Variants in ABCA10 observed in about 807,000 individuals in gnomAD.
The protein encoded by ABCA10 is ATP binding cassette subfamily A member 10.
In ABCA10, 169 loss-of-function variants were observed where a neutral mutation model predicts 187.5. The observed-to-expected ratio is 0.90, with a 90% CI of 0.80 to 1.02. The LOEUF is 1.02. Among genes scored for constraint, ABCA10 ranks in the 50% least tolerant of loss-of-function variants. The pLI is 0.00. For synonymous variants in ABCA10, 574 were observed against 601.8 expected, an observed-to-expected ratio of 0.95 and a Z score of 0.68; for missense variants, 1,727 against 1,812.4, an observed-to-expected ratio of 0.95 and a Z score of 0.86.
At chr17:69,237,674 T>TA (rs1568080132) in intron 1 of ABCA10, among the ~76,000 whole-genome samples, 2 of 152,276 alleles carry the variant, frequency 1.3e-5, no homozygotes, top group East Asian at 3.9e-4. Flanking sequence ...ATGTCCTTCC[T>TA]AAAAGCCTCA....
chr17:69,157,364 A>AGG (rs2074182433), intron 27 of ABCA10, among the ~76,000 whole-genome samples: 1 of 152,144 alleles, frequency 6.6e-6, no homozygotes, highest in African/African-American at 2.4e-5. Flanking sequence ...TCCCCAAGTA[A>AGG]GGGGTAGATA....
rs1008690560 is a variant in ABCA10, at chr17:69,148,185, A to C, written c.*642T>G. 6.6e-6 allele frequency: 1 copy of C among 152,258 alleles called. No individual in the cohort carries two copies. The highest frequency in any genetic ancestry group is 2.4e-5 in the African/African-American group (1 of 41,462). 9.4% of individuals were successfully genotyped at this position (152,258 alleles called of 1,614,324 possible). ...AGGTGAAAAGATACAGAAAATGACT[A>C]TGCCTACTGATACTACCTTTGAAAA... On this transcript the variant is annotated 3_prime_UTR_variant, in exon 39 of 39. Coordinates refer to ENST00000690296, the MANE Select transcript of ABCA10 (RefSeq NM_001377321.1).
At chr17:69,187,543 T>C in intron 19 of ABCA10, 138 bp downstream of exon 19, 1 of 948,452 alleles carries the variant, frequency 1.1e-6, no homozygotes, top group Admixed American at 3.0e-5. Flanking sequence ...GTCAGGCCCT[T>C]TTCCTCAGTA....
intron 7 of ABCA10, 59 bp from the exon 8 acceptor site, chr17:69,216,059 T>C: frequency 6.4e-7 from 1 of 1,568,594 alleles, no homozygotes; most frequent in Non-Finnish European, 8.6e-7. Flanking sequence ...TAAATAGCAA[T>C]ATTCATCGAT....
At chr17:69,230,224 G>A (rs756990374), upstream of ABCA10, among the ~76,000 whole-genome samples, 4 of 151,966 alleles carry the variant, frequency 2.6e-5, no homozygotes, top group Admixed American at 6.6e-5. Flanking sequence ...TGGACTTCTC[G>A]GCTTCCAGAA....
Position 69,148,805 on chromosome 17 carries a change from G to T in ABCA10, c.*22C>A, listed in dbSNP as rs751543519. Reference sequence around the variant, plus strand: ...TAACAATGTAGTAGGACCTAAAATTGAATGTTAGGAGGTTCTTCATTTTAA... The same window carrying T: ...TAACAATGTAGTAGGACCTAAAATTTAATGTTAGGAGGTTCTTCATTTTAA... On this transcript the variant is annotated 3_prime_UTR_variant, in exon 39 of 39. Transcript: ENST00000690296. 1.9e-6 allele frequency: 3 copies of T among 1,579,646 alleles called. No homozygotes were observed. The highest frequency in any genetic ancestry group is 3.4e-5 in the Admixed American group (2 of 59,462).
chr17:69,169,019 T>G (rs77719853), intron 25 of ABCA10, among the ~76,000 whole-genome samples: 10,740 of 152,280 alleles, frequency 0.071, 514 homozygotes, highest in Admixed American at 0.15. Context: ...TATTGAGTAC[T>G]TCATGAACAT....
At position 69,223,002 on chromosome 17, in the gene ABCA10, A is replaced by G. The variant is rs572509541; in HGVS notation, c.35-305T>C. Among the ~76,000 whole-genome samples the G allele has an allele frequency of 6.0e-5, 9 of 150,318 alleles. No homozygotes were observed. In the South Asian group the frequency reaches 1.5e-3, roughly 25 times the overall value. The stretch of plus-strand genomic sequence containing the variant: ...AGCATAGAAACATACTCTATATATG[A>G]CCATGTGCATATTTGCCTTGAAGGA... On this transcript the variant is annotated intron_variant, in intron 3 of 38. Coordinates refer to ENST00000690296, the MANE Select transcript of ABCA10 (RefSeq NM_001377321.1).
In ABCA10 at chr17:69,235,297, C is replaced by T. The variant is rs572962095; in HGVS notation, c.-592-6437G>A. ...AGAGACCAAAGGAGGGATTTATAAC[C>T]GGTGATTACAATCTAACTTCAGGTT... On this transcript the variant is annotated intron_variant, in intron 1 of 39. Transcript: ENST00000269081. 5.3e-5 allele frequency among the ~76,000 whole-genome samples: 8 copies of T among 152,254 alleles called. No individual in the cohort carries two copies. In the East Asian group the frequency reaches 5.8e-4, roughly 11 times the overall value.
intron 36 of ABCA10, chr17:69,150,353 C>T: frequency 4.3e-6 from 1 of 230,830 alleles, no homozygotes; most frequent in Non-Finnish European, 8.5e-6. Context: ...CTTACTTACT[C>T]TCAAAAAGCA....
intron 9 of ABCA10, among the ~76,000 whole-genome samples, chr17:69,213,844 C>G (rs2074679947): frequency 6.6e-6 from 1 of 152,206 alleles, no homozygotes; most frequent in African/African-American, 2.4e-5. Context: ...TAGGAGCTTC[C>G]TTCACTCTGT....
intron 25 of ABCA10, among the ~76,000 whole-genome samples, chr17:69,170,852 A>T (rs1558167): frequency 0.56 from 84,769 of 152,022 alleles, 25,175 homozygotes; most frequent in Non-Finnish European, 0.67. Flanking sequence ...GCTGAGGACA[A>T]GTCCCCATAT....
chr17:69,215,846 C>G lies in ABCA10; in HGVS notation c.827G>C (p.Ser276Thr). 1 of 1,605,154 alleles carries G rather than the reference C, an allele frequency of 6.2e-7. No homozygotes were observed. Among genetic ancestry groups the G allele is most frequent in the Non-Finnish European group, 8.5e-7 (1 of 1,177,492 alleles). Reference sequence around the variant, plus strand: ...CATTCCAGCAGTGAAGGCAAAAGGGCTAAGAAGACTTAATACCCATCCCAA... The same window carrying G: ...CATTCCAGCAGTGAAGGCAAAAGGGGTAAGAAGACTTAATACCCATCCCAA... ...LSLGWVLSLLSPFAFTAGMAQ... is the reference protein window; with the variant it reads ...LSLGWVLSLLTPFAFTAGMAQ... The change falls in exon 8 of 39, where the codon AGC becomes ACC. Residue 276 changes from serine to threonine, a missense_variant. By Grantham distance (58) the Ser-to-Thr change is moderately conservative. Transcript: ENST00000690296.
chr17:69,196,886 G>A (rs777978517), intron 11 of ABCA10, among the ~76,000 whole-genome samples, 178 bp downstream of exon 11: 5 of 152,058 alleles, frequency 3.3e-5, no homozygotes, highest in Non-Finnish European at 5.9e-5. Flanking sequence ...GGCAGCACGC[G>A]CCTGCAATCC....
intron 6 of ABCA10, 69 bp from the exon 7 acceptor site, chr17:69,216,427 T>C: frequency 6.7e-7 from 1 of 1,503,706 alleles, no homozygotes; most frequent in Non-Finnish European, 8.9e-7. Context: ...ATGTGCGAAA[T>C]GGTTAAGAGT....
chr17:69,223,732 C>A, intron 3 of ABCA10: 1 of 405,378 alleles, frequency 2.5e-6, no homozygotes. Context: ...AAAATACTGT[C>A]AAGGCCAAAC....
In ABCA10 at chr17:69,182,762, T is replaced by C. The variant is rs779039943; in HGVS notation, c.2544A>G (p.Ile848Met). ...TTCTAAAGTCATCTATTTCCAAAACTATATCCTGACACTTCAGTGAATGCA... is the reference window on the plus strand; with the variant it reads ...TTCTAAAGTCATCTATTTCCAAAACCATATCCTGACACTTCAGTGAATGCA... ...DLVHSLKCQD[I>M]VLEIDDFRNR... Residue 848 changes from isoleucine to methionine, a missense_variant, in exon 21 of 39, where the codon ATA becomes ATG. Coordinates refer to ENST00000690296, the MANE Select transcript of ABCA10 (RefSeq NM_001377321.1). 1.2e-6 allele frequency: 2 copies of C among 1,611,204 alleles called. No individual in the cohort carries two copies. Among genetic ancestry groups the C allele is most frequent in the African/African-American group, 2.7e-5 (2 of 74,638 alleles).
At chr17:69,164,048 A>G (rs748846662) in intron 27 of ABCA10, 26 bp downstream of exon 27, 43 of 1,498,004 alleles carry the variant, frequency 2.9e-5, no homozygotes, top group Non-Finnish European at 2.8e-5. Flanking sequence ...TGCAATATAT[A>G]TATTTAGGTA....
Position 69,149,969 on chromosome 17 carries a change from T to C in ABCA10, c.4477+15A>G. 4 of 1,576,684 alleles carry C rather than the reference T, an allele frequency of 2.5e-6. No homozygotes were observed. The highest frequency in any genetic ancestry group is 3.5e-6 in the Non-Finnish European group (4 of 1,149,962). ...ACCAATACATAAAGTCTTATTTATA[T>C]ATACCCAAACTTACTCGCCTCTAAC... On this transcript the variant is annotated intron_variant, in intron 37 of 38. Transcript: ENST00000690296.
Sources: gnomAD v4.1 joint callset for allele counts (sites outside exome capture counted in the v4.1 genomes callset) on GRCh38, gnomAD v4.1.1 for gene constraint, MANE v1.5 for transcripts, NCBI Gene and HGNC (gene_info 2026-07-23, HGNC 2026-07-21) for gene names.